Variants in TBC1D5 observed in about 807,000 individuals in gnomAD.
TBC1D5 encodes TBC1 domain family member 5.
A neutral mutation model predicts 100.3 loss-of-function variants in TBC1D5; 75 were observed. That is an observed-to-expected ratio of 0.75 (90% CI 0.62 to 0.91). The LOEUF (loss-of-function observed/expected upper bound fraction) is 0.91. Ranked by LOEUF, TBC1D5 falls within the 40% of genes least tolerant of loss-of-function variation. TBC1D5 has a pLI of 0.00. For missense variants in TBC1D5, 910 were observed against 942.4 expected (o/e 0.97, Z 0.45); for synonymous variants, 323 against 325.6 (o/e 0.99, Z 0.09).
At chr3:17,243,762 T>C (rs1411215565) in intron 16 of TBC1D5, among the ~76,000 whole-genome samples, 2 of 152,154 alleles carry the variant, frequency 1.3e-5, no homozygotes, top group African/African-American at 4.8e-5. Context: ...TTGGTTTGGC[T>C]GACAAGACTA....
intron 13 of TBC1D5, among the ~76,000 whole-genome samples, chr3:17,370,530 CAT>C (rs1247141676): frequency 3.9e-5 from 6 of 152,130 alleles, no homozygotes; most frequent in Non-Finnish European, 8.8e-5. Context: ...CCCAATACCA[CAT>C]GTCACACACA....
chr3:17,488,235 G>A (rs1465806750), intron 3 of TBC1D5, among the ~76,000 whole-genome samples: 1 of 152,114 alleles, frequency 6.6e-6, no homozygotes, highest in Non-Finnish European at 1.5e-5. Context: ...AATGTATGTA[G>A]TCTTTTCAGA....
intron 18 of TBC1D5, among the ~76,000 whole-genome samples, chr3:17,207,636 A>G (rs2733519): frequency 0.4 from 60,163 of 152,096 alleles, 12,631 homozygotes; most frequent in Middle Eastern, 0.5. Flanking sequence ...TTTTTATCTA[A>G]AGAAGATAGG....
At chr3:17,732,088 C>A (rs1384283022) in intron 1 of TBC1D5, among the ~76,000 whole-genome samples, 4 of 152,170 alleles carry the variant, frequency 2.6e-5, no homozygotes, top group African/African-American at 9.6e-5. Flanking sequence ...GAGGCCGAGG[C>A]AGGCAGATCA....
intron 2 of TBC1D5, among the ~76,000 whole-genome samples, chr3:17,605,380 C>T (rs2061274333): frequency 6.6e-6 from 1 of 152,198 alleles, no homozygotes; most frequent in African/African-American, 2.4e-5. Flanking sequence ...GACCTCAAAT[C>T]TTAGCTGAAC....
intron 15 of TBC1D5, among the ~76,000 whole-genome samples, chr3:17,267,845 C>T (rs111794483): frequency 6.2e-4 from 94 of 152,178 alleles, no homozygotes; most frequent in African/African-American, 1.8e-3. Flanking sequence ...GCAACTGGGG[C>T]AGTAATTTCA....
chr3:17,203,536 TTC>T (rs1267632760), intron 18 of TBC1D5, among the ~76,000 whole-genome samples: 1 of 152,146 alleles, frequency 6.6e-6, no homozygotes, highest in Non-Finnish European at 1.5e-5. Flanking sequence ...TGGTTTGGAT[TTC>T]TGTCTCCACC....
intron 1 of TBC1D5, among the ~76,000 whole-genome samples, chr3:17,650,398 A>T (rs2065431281): frequency 6.6e-6 from 1 of 152,210 alleles, no homozygotes; most frequent in African/African-American, 2.4e-5. Context: ...TTCTAATAAG[A>T]TGACCAAAAA....
intron 17 of TBC1D5, among the ~76,000 whole-genome samples, chr3:17,236,898 T>C (rs761370246): frequency 2.6e-5 from 4 of 152,132 alleles, no homozygotes; most frequent in African/African-American, 4.8e-5. Flanking sequence ...ATGTAACCAA[T>C]AGAGGAATAC....
At chr3:17,285,221 AGAGT>A (rs2081043327) in intron 15 of TBC1D5, among the ~76,000 whole-genome samples, 1 of 151,380 alleles carries the variant, frequency 6.6e-6, no homozygotes, top group African/African-American at 2.4e-5. Context: ...TCATCCTCAA[AGAGT>A]CACTATACGT....
intron 1 of TBC1D5, among the ~76,000 whole-genome samples, chr3:17,644,321 T>C (rs910964458): frequency 2.0e-5 from 3 of 152,146 alleles, no homozygotes; most frequent in East Asian, 1.9e-4. Flanking sequence ...CCAATTACTA[T>C]GTAAGAGAAG....
chr3:17,576,987 T>C (rs536209679), intron 2 of TBC1D5, among the ~76,000 whole-genome samples: 75 of 152,112 alleles, frequency 4.9e-4, no homozygotes, highest in Middle Eastern at 3.4e-3. Flanking sequence ...TCTGAACAAA[T>C]TTTCATTTGA....
At chr3:17,357,083 TA>T (rs1197165102) in intron 13 of TBC1D5, among the ~76,000 whole-genome samples, 1 of 152,186 alleles carries the variant, frequency 6.6e-6, no homozygotes, top group Non-Finnish European at 1.5e-5. Context: ...TCCCATGTTT[TA>T]TTTTGCCTGC....
At chr3:17,705,928 C>A in intron 1 of TBC1D5, 1 of 1,094,568 alleles carries the variant, frequency 9.1e-7, no homozygotes, top group Non-Finnish European at 1.3e-6. Context: ...CCGCGGGGCC[C>A]GTCCGCTCCT....
chr3:17,335,550 C>T (rs1285630632), intron 13 of TBC1D5, among the ~76,000 whole-genome samples: 1 of 152,072 alleles, frequency 6.6e-6, no homozygotes, highest in Non-Finnish European at 1.5e-5. Flanking sequence ...GTGATAATTG[C>T]TTTACTTTTT....
chr3:17,435,522 G>A (rs58777809), intron 3 of TBC1D5, among the ~76,000 whole-genome samples: 1 of 152,104 alleles, frequency 6.6e-6, no homozygotes, highest in Non-Finnish European at 1.5e-5. Flanking sequence ...AAGCCCCTTA[G>A]AAACCATCAG....
intron 13 of TBC1D5, among the ~76,000 whole-genome samples, chr3:17,309,669 C>A (rs1208161123): frequency 6.6e-6 from 1 of 151,928 alleles, no homozygotes. Flanking sequence ...ATTTCTAATT[C>A]TTTCAAATTA....
exon 17 of TBC1D5, chr3:17,238,284 G>GCTA (rs1324936997): frequency 1.4e-5 from 23 of 1,613,904 alleles, no homozygotes; most frequent in Non-Finnish European, 1.9e-5. Context: ...CAGAGGAGGA[G>GCTA]CTACTGCTGT....
chr3:17,711,563 T>C (rs1465033933), intron 1 of TBC1D5, among the ~76,000 whole-genome samples: 1 of 152,202 alleles, frequency 6.6e-6, no homozygotes, highest in East Asian at 1.9e-4. Flanking sequence ...AAACAATATA[T>C]TGCTTAGTTT....
Sources: allele counts gnomAD v4.1 joint callset (sites outside exome capture counted in the v4.1 genomes callset), GRCh38; gene constraint gnomAD v4.1.1; transcripts MANE v1.5; gene names NCBI Gene and HGNC (gene_info 2026-07-23, HGNC 2026-07-21).